Variants in NCAM2 observed in about 807,000 individuals in gnomAD.
NCAM2 encodes the protein neural cell adhesion molecule 2, also known as N-CAM-2.
Under a neutral mutation model 98.1 loss-of-function variants are expected in NCAM2, and 30 were observed. The ratio of observed to expected loss-of-function variants is 0.31; its 90% CI spans 0.23 to 0.41. The LOEUF (loss-of-function observed/expected upper bound fraction) is 0.41, where lower values mean the gene tolerates loss of function less well. NCAM2 is among the 10% of genes least tolerant of loss of function. The pLI is 1.00. For synonymous variants in NCAM2, 368 were observed against 342.4 expected (o/e 1.07, Z -0.83); for missense variants, 867 against 1,005.8 (o/e 0.86, Z 1.87).
intron 5 of NCAM2, among the ~76,000 whole-genome samples, chr21:21,294,245 ATTATTCAGGT>A (rs2073397538): frequency 1.3e-5 from 2 of 151,834 alleles, no homozygotes; most frequent in Non-Finnish European, 2.9e-5. Context: ...TAAAGAAATG[ATTATTCAGGT>A]ATGAATATTC....
At chr21:21,359,364 C>A (rs2075582002) in intron 8 of NCAM2, among the ~76,000 whole-genome samples, 2 of 151,920 alleles carry the variant, frequency 1.3e-5, no homozygotes, top group Non-Finnish European at 1.5e-5. Context: ...CAATCATTTA[C>A]AACTTTCTGA....
chr21:21,407,029 A>G (rs1219857431), intron 9 of NCAM2, among the ~76,000 whole-genome samples: 2 of 152,032 alleles, frequency 1.3e-5, no homozygotes, highest in East Asian at 1.9e-4. Flanking sequence ...TTTCCTCTGT[A>G]CATTTGAAAC....
chr21:21,396,732 G>A (rs2076517031), intron 9 of NCAM2, among the ~76,000 whole-genome samples: 2 of 152,148 alleles, frequency 1.3e-5, no homozygotes, highest in African/African-American at 4.8e-5. Context: ...TTCCACTGTG[G>A]GCACAAGCAT....
intron 1 of NCAM2, among the ~76,000 whole-genome samples, chr21:21,017,424 C>CGAAAAAAAAA (rs2064333150): frequency 1.7e-5 from 1 of 58,778 alleles, no homozygotes; most frequent in Non-Finnish European, 2.7e-5. Flanking sequence ...GACTCTGTCT[C>CGAAAAAAAAA]AAAAAAAAAA....
intron 11 of NCAM2, among the ~76,000 whole-genome samples, chr21:21,421,228 T>C (rs937379855): frequency 6.6e-6 from 1 of 151,978 alleles, no homozygotes; most frequent in African/African-American, 2.4e-5. Flanking sequence ...AATGTGCATG[T>C]ACCTTTGTAT....
intron 3 of NCAM2, among the ~76,000 whole-genome samples, chr21:21,285,382 A>G (rs1386175778): frequency 6.6e-6 from 1 of 151,782 alleles, no homozygotes; most frequent in Non-Finnish European, 1.5e-5. Flanking sequence ...TTGTGGGCAC[A>G]TTGTTGCTCT....
At chr21:21,272,652 T>G (rs2072559709) in intron 1 of NCAM2, among the ~76,000 whole-genome samples, 1 of 152,092 alleles carries the variant, frequency 6.6e-6, no homozygotes, top group African/African-American at 2.4e-5. Flanking sequence ...GAGACATATT[T>G]AAGGGACATT....
At chr21:21,087,159 G>A (rs566798293) in intron 1 of NCAM2, among the ~76,000 whole-genome samples, 33 of 152,144 alleles carry the variant, frequency 2.2e-4, no homozygotes, top group African/African-American at 7.2e-4. Context: ...GAAAAGAAAT[G>A]TCAGTTTGTA....
chr21:21,045,117 G>T (rs1240166138), intron 1 of NCAM2, among the ~76,000 whole-genome samples: 1 of 151,978 alleles, frequency 6.6e-6, no homozygotes. Flanking sequence ...TTTCTAGAAT[G>T]TACATATTTT....
chr21:21,043,127 T>C (rs901973135), intron 1 of NCAM2, among the ~76,000 whole-genome samples: 9 of 152,190 alleles, frequency 5.9e-5, no homozygotes, highest in Non-Finnish European at 1.3e-4. Flanking sequence ...CACTATAAGA[T>C]TTAGGGGAAC....
chr21:21,139,161 G>A (rs2067118652), intron 1 of NCAM2, among the ~76,000 whole-genome samples: 1 of 152,234 alleles, frequency 6.6e-6, no homozygotes, highest in Admixed American at 6.5e-5. Flanking sequence ...AGGGGGATTT[G>A]AGACAGACAG....
At chr21:21,175,826 A>G (rs1019219342) in intron 1 of NCAM2, among the ~76,000 whole-genome samples, 4 of 152,176 alleles carry the variant, frequency 2.6e-5, no homozygotes, top group Admixed American at 2.6e-4. Context: ...TGTGGTAGGT[A>G]TACACATTAC....
At chr21:21,231,659 G>A (rs542219166) in intron 1 of NCAM2, among the ~76,000 whole-genome samples, 13 of 151,168 alleles carry the variant, frequency 8.6e-5, no homozygotes, top group Admixed American at 7.3e-4. Flanking sequence ...AATTTCCATC[G>A]GAGTAAATAT....
chr21:21,293,640 GT>G (rs35289794), intron 5 of NCAM2, among the ~76,000 whole-genome samples: 25,580 of 151,664 alleles, frequency 0.17, 2,246 homozygotes, highest in Non-Finnish European at 0.2. Context: ...TAAAGGATAG[GT>G]TTAAATAGGG....
chr21:21,142,365 GT>G (rs67457148), intron 1 of NCAM2, among the ~76,000 whole-genome samples: 32,056 of 120,358 alleles, frequency 0.27, 4,357 homozygotes, highest in East Asian at 0.49. Flanking sequence ...TTATTTGACC[GT>G]TTTTTTTTAT....
intron 9 of NCAM2, among the ~76,000 whole-genome samples, chr21:21,384,112 CTT>C (rs1300850996): frequency 6.6e-6 from 1 of 151,838 alleles, no homozygotes; most frequent in African/African-American, 2.4e-5. Context: ...GATATTATAA[CTT>C]TAGCTGAATT....
intron 1 of NCAM2, among the ~76,000 whole-genome samples, chr21:21,259,922 ACACACAC>A (rs2071827824): frequency 3.8e-3 from 1 of 264 alleles, no homozygotes; most frequent in East Asian, 0.5. Context: ...AAGAAGCAAC[ACACACAC>A]ACACACACAC....
At chr21:21,385,832 T>G (rs2076259847) in intron 9 of NCAM2, 1 of 166,636 alleles carries the variant, frequency 6.0e-6, no homozygotes, top group South Asian at 2.0e-4. Flanking sequence ...AACTATTAAT[T>G]AGACTTAATT....
chr21:21,511,190 T>C (rs1251660945), intron 16 of NCAM2, among the ~76,000 whole-genome samples: 2 of 152,008 alleles, frequency 1.3e-5, no homozygotes, highest in Admixed American at 6.6e-5. Context: ...TGTCAATCTA[T>C]TGTGACACCA....
Sources: allele counts gnomAD v4.1 joint callset (sites outside exome capture counted in the v4.1 genomes callset), GRCh38; gene constraint gnomAD v4.1.1; transcripts MANE v1.5; gene names NCBI Gene and HGNC (gene_info 2026-07-23, HGNC 2026-07-21).